Variants in KDM7A observed in about 807,000 individuals in gnomAD.
The protein encoded by KDM7A is lysine demethylase 7A.
KDM7A carries 28 observed loss-of-function variants against 114.8 expected under a neutral mutation model. The ratio of observed to expected loss-of-function variants is 0.24; its 90% CI spans 0.18 to 0.33. The LOEUF is 0.33. KDM7A is among the 10% of genes least tolerant of loss of function. The probability of loss-of-function intolerance (pLI) is 1.00; values close to 1 mark genes in which losing one functional copy is unlikely to be tolerated. For synonymous variants in KDM7A, 423 were observed against 397.8 expected (o/e 1.06, Z -0.75); for missense variants, 942 against 1,142.5 (o/e 0.82, Z 2.53).
chr7:140,153,705 C>T (rs1257198045), intron 1 of KDM7A, among the ~76,000 whole-genome samples: 1 of 152,196 alleles, frequency 6.6e-6, no homozygotes, highest in African/African-American at 2.4e-5. Context: ...TGCCATTTAG[C>T]ATGCCTTCAC....
chr7:140,102,104 T>G lies in KDM7A; in HGVS notation c.1485A>C (p.Ser495=), dbSNP rs1397337795. ...GGGAAGTTGCTTCATTTGAGGATCG[T>G]GAAACTGGACACACAATAGGAATTC... ...SQGIPIVCPV[S]RSSNEATSPY... is the part of the protein sequence containing the mutation. The change falls in exon 12 of 20, where the codon TCA becomes TCC. Residue 495 remains serine (S), a synonymous_variant. Coordinates refer to ENST00000397560, the MANE Select transcript of KDM7A (RefSeq NM_030647.2). 23 of 1,614,010 alleles carry G rather than the reference T, an allele frequency of 1.4e-5. No individual in the cohort carries two copies. Among genetic ancestry groups the G allele is most frequent in the Non-Finnish European group, 1.9e-5 (22 of 1,179,964 alleles).
At chr7:140,171,742 T>G (rs139902682) in intron 1 of KDM7A, among the ~76,000 whole-genome samples, 2 of 151,806 alleles carry the variant, frequency 1.3e-5, no homozygotes, top group Admixed American at 1.3e-4. Context: ...GCCCCACTTA[T>G]GCCTGTACTT....
intron 1 of KDM7A, among the ~76,000 whole-genome samples, chr7:140,144,710 T>TACACACATAC (rs1794321469): frequency 6.8e-6 from 1 of 146,322 alleles, no homozygotes; most frequent in Admixed American, 6.8e-5. Flanking sequence ...GTCCCCACCA[T>TACACACATAC]ACACACACAC....
chr7:140,112,136 G>A (rs1818444075), intron 10 of KDM7A, among the ~76,000 whole-genome samples: 1 of 152,194 alleles, frequency 6.6e-6, no homozygotes, highest in Non-Finnish European at 1.5e-5. Context: ...GTCTTTCACA[G>A]TGGAGGACAT....
intron 2 of KDM7A, among the ~76,000 whole-genome samples, chr7:140,136,584 GA>G (rs1408655858): frequency 2.0e-5 from 3 of 152,186 alleles, no homozygotes; most frequent in African/African-American, 7.2e-5. Context: ...CCCTCAAATA[GA>G]GTTCTTAATT....
chr7:140,137,185 G>A (rs774715629), intron 2 of KDM7A, among the ~76,000 whole-genome samples: 2 of 152,116 alleles, frequency 1.3e-5, no homozygotes, highest in Non-Finnish European at 2.9e-5. Context: ...CCAGAAGATA[G>A]TCAATGCCTG....
chr7:140,124,350 C>T (rs891152939), intron 7 of KDM7A, among the ~76,000 whole-genome samples: 2 of 152,064 alleles, frequency 1.3e-5, no homozygotes, highest in East Asian at 1.9e-4. Context: ...CTGAGCTGTA[C>T]ACTTTAAAAG....
intron 8 of KDM7A, among the ~76,000 whole-genome samples, chr7:140,119,861 G>C (rs552623814): frequency 6.6e-6 from 1 of 152,268 alleles, no homozygotes; most frequent in South Asian, 2.1e-4. Context: ...CAGAGATATG[G>C]CTTCTTACTA....
In KDM7A at chr7:140,120,473, G is replaced by A. The variant is rs983498526; in HGVS notation, c.1108C>T (p.Leu370=). The A allele has an allele frequency of 3.7e-6, 6 of 1,612,628 alleles. No individual in the cohort carries two copies. In the East Asian group the frequency reaches 1.1e-4, roughly 30 times the overall value. ...TGCATGCCAATGTTAAGGTTGTGCA[G>A]GAAGTTCCCCCCAAAAGCCATACAG... is the stretch of plus-strand genomic sequence containing the variant. The part of the protein sequence containing the change: ...QDCMAFGGNF[L]HNLNIGMQLR... Residue 370 remains leucine (L), a synonymous_variant, in exon 8 of 20, where the codon CTG becomes TTG. Coordinates refer to ENST00000397560, the MANE Select transcript of KDM7A (RefSeq NM_030647.2).
intron 19 of KDM7A, 92 bp downstream of exon 19, chr7:140,091,712 A>C (rs1178269470): frequency 7.2e-7 from 1 of 1,389,804 alleles, no homozygotes; most frequent in Non-Finnish European, 1.0e-6. Context: ...GAGATGTTGA[A>C]CAACTTGAGT....
At chr7:140,175,505 G>A (rs750126900) in intron 1 of KDM7A, among the ~76,000 whole-genome samples, 1 of 152,130 alleles carries the variant, frequency 6.6e-6, no homozygotes, top group Non-Finnish European at 1.5e-5. Context: ...CCGGGAAACC[G>A]GCTTCAACTA....
chr7:140,165,376 T>C (rs1216616398), intron 1 of KDM7A, among the ~76,000 whole-genome samples: 1 of 152,210 alleles, frequency 6.6e-6, no homozygotes, highest in African/African-American at 2.4e-5. Flanking sequence ...GTAAACCAAG[T>C]AGTTAGGGCT....
chr7:140,129,375 C>T, intron 4 of KDM7A, 118 bp downstream of exon 4: 1 of 837,760 alleles, frequency 1.2e-6, no homozygotes, highest in Non-Finnish European at 1.9e-6. Flanking sequence ...TACTGAGCCT[C>T]ACTTTTCTGA....
chr7:140,099,484 C>T (rs1488909849), intron 13 of KDM7A, among the ~76,000 whole-genome samples: 2 of 152,180 alleles, frequency 1.3e-5, no homozygotes, highest in Non-Finnish European at 2.9e-5. Flanking sequence ...CAGGTGTGAG[C>T]CACTGAGCTC....
Position 140,170,619 on chromosome 7 carries a change from C to T in KDM7A, c.194+6125G>A, listed in dbSNP as rs138550190. ...GGGGATGATAATAATAGCAATTACTCAACAAGGTGACTGTGAGACTTCAAT... is the reference window on the plus strand; with the variant it reads ...GGGGATGATAATAATAGCAATTACTTAACAAGGTGACTGTGAGACTTCAAT... On this transcript the variant is annotated intron_variant, in intron 1 of 19. Coordinates refer to ENST00000397560, the MANE Select transcript of KDM7A (RefSeq NM_030647.2). Among the ~76,000 whole-genome samples the T allele has an allele frequency of 3.8e-3, 584 of 152,340 alleles. 3 individuals carry two copies. The highest frequency in any genetic ancestry group is 0.013 in the African/African-American group (553 of 41,584).
rs1302903227 is a variant in KDM7A at position 140,176,213 on chromosome 7, G to A, written c.194+531C>T. On this transcript the variant is annotated intron_variant, in intron 1 of 19. Coordinates refer to ENST00000397560, the MANE Select transcript of KDM7A (RefSeq NM_030647.2). This position sits in a 1 kb window ranked among gnomAD's most constrained non-coding sequence, Gnocchi z 4.4. ...GGAAGTTTGATAAAGACGGGGAAGG[G>A]GGCGCGACAGGGACCCGCGGCGCGG... Among the ~76,000 whole-genome samples the A allele has an allele frequency of 2.6e-5, 4 of 151,572 alleles. No homozygotes were observed. The highest frequency in any genetic ancestry group is 9.7e-5 in the African/African-American group (4 of 41,344).
Position 140,120,537 on chromosome 7 carries a change from G to C in KDM7A, c.1052-8C>G. 1 of 1,578,812 alleles carries C rather than the reference G, an allele frequency of 6.3e-7. No individual in the cohort carries two copies. Among genetic ancestry groups the C allele is most frequent in the Non-Finnish European group, 8.7e-7 (1 of 1,148,686 alleles). On this transcript the variant is annotated splice_polypyrimidine_tract_variant and splice_region_variant and intron_variant, in intron 7 of 19. Coordinates refer to ENST00000397560, the MANE Select transcript of KDM7A (RefSeq NM_030647.2). ...GCACAGCATGGATCCACCCTAAAAT[G>C]GTTGAAAATATATAAACCAGTCATT...
rs117633082 is a variant in KDM7A, at chr7:140,088,394, T to C, written c.*2700A>G. ...ATCTATTCCTATTACTAAAGTTGCA[T>C]ATGTTAATCATAATTCTCAATTTTA... On this transcript the variant is annotated 3_prime_UTR_variant, in exon 20 of 20. Transcript: ENST00000397560. 4.1e-3 allele frequency: 1,646 copies of C among 397,318 alleles called. 22 individuals carry two copies. The highest frequency in any genetic ancestry group is 0.028 in the East Asian group (795 of 28,022). The allele number at this position is 397,318 out of a possible 1,614,324, so 24.6% of individuals were successfully genotyped here.
chr7:140,094,063 T>A lies in KDM7A; in HGVS notation c.2450A>T (p.His817Leu). ...WIKQFDTSRF[H>L]PQDLSRSQKC... ...TTCAAACTTTGAATATACCTGAGGA[T>A]GAAATCTGGAAGTATCAAACTGTTT... is the stretch of plus-strand genomic sequence containing the variant. The change falls in exon 18 of 20, where the codon CAT becomes CTT. Residue 817 changes from histidine to leucine, a missense_variant. His to Leu is a moderately conservative substitution (Grantham distance 99, BLOSUM62 -3). Around this residue, in one of 4 missense-constraint regions of KDM7A, gnomAD observed 512 missense variants for 576.6 expected, o/e 0.89. Transcript: ENST00000397560. 2 of 1,567,250 alleles carry A rather than the reference T, an allele frequency of 1.3e-6. No homozygotes were observed. Among genetic ancestry groups the A allele is most frequent in the Non-Finnish European group, 1.8e-6 (2 of 1,137,228 alleles).
Sources: allele counts gnomAD v4.1 joint callset (sites outside exome capture counted in the v4.1 genomes callset), GRCh38; gene constraint gnomAD v4.1.1; regional missense constraint gnomAD v4.1.1; non-coding constraint Gnocchi (gnomAD v3.1); transcripts MANE v1.5; gene names NCBI Gene and HGNC (gene_info 2026-07-23, HGNC 2026-07-21).